The following SYS1 variants were observed in gnomAD, a reference collection of about 807,000 sequenced individuals.
SYS1 encodes SYS1 golgi trafficking protein.
SYS1 carries 8 observed loss-of-function variants against 17.8 expected under a neutral mutation model. That is an observed-to-expected ratio of 0.45 (90% CI 0.26 to 0.81). The LOEUF is 0.81. SYS1 is among the 40% of genes least tolerant of loss of function. The probability of loss-of-function intolerance (pLI) is 0.16; values close to 1 mark genes in which losing one functional copy is unlikely to be tolerated. For synonymous variants in SYS1, 95 were observed against 90.9 expected, an observed-to-expected ratio of 1.05 and a Z score of -0.26; for missense variants, 161 against 203.9, an observed-to-expected ratio of 0.79 and a Z score of 1.28.
downstream of SYS1, among the ~76,000 whole-genome samples, chr20:45,369,684 C>T (rs1446690665): frequency 6.7e-6 from 1 of 149,722 alleles, no homozygotes; most frequent in Non-Finnish European, 1.5e-5. Context: ...CTCATCATAG[C>T]CTCAACCTCC....
chr20:45,375,332 C>A (rs1393316961), exon 4 of SYS1: 2 of 1,614,136 alleles, frequency 1.2e-6, no homozygotes, highest in South Asian at 2.2e-5. Context: ...GTCCTTGGAA[C>A]CTCAGGCTCT....
In SYS1 at chr20:45,363,773, C is replaced by T. The variant is rs1988307618; in HGVS notation, c.162+80C>T. On this transcript the variant is annotated intron_variant, in intron 2 of 3. Coordinates refer to ENST00000243918, the MANE Select transcript of SYS1 (RefSeq NM_033542.4). Reference sequence around the variant, plus strand: ...TGGTCCATCACTACTGTGCTGTAGACGTGGCTGGGTCACCTTCTTTCTTTG... The same window carrying T: ...TGGTCCATCACTACTGTGCTGTAGATGTGGCTGGGTCACCTTCTTTCTTTG... 2.8e-6 allele frequency: 4 copies of T among 1,420,316 alleles called. No homozygotes were observed. The African/African-American group carries it at 4.3e-5, about 15-fold the overall frequency. 88.0% of individuals were successfully genotyped at this position (1,420,316 alleles called of 1,614,324 possible).
Position 45,363,562 on chromosome 20 carries a change from G to T in SYS1, c.31G>T (p.Asp11Tyr). 6.3e-7 allele frequency: 1 copy of T among 1,585,822 alleles called. No homozygotes were observed. Among genetic ancestry groups the T allele is most frequent in the Admixed American group, 1.8e-5 (1 of 56,430 alleles). Reference sequence around the variant, plus strand: ...GGGTCAGTTCCGCAGCTACGTGTGGGACCCGCTGCTGATCCTGTCGCAGAT... The same window carrying T: ...GGGTCAGTTCCGCAGCTACGTGTGGTACCCGCTGCTGATCCTGTCGCAGAT... Reference protein sequence around the residue: MAGQFRSYVWDPLLILSQIVL... With the variant: MAGQFRSYVWYPLLILSQIVL... Residue 11 changes from aspartate (D) to tyrosine (Y), a missense_variant, in exon 2 of 4, where the codon GAC becomes TAC. Transcript: ENST00000243918.
Position 45,363,516 on chromosome 20 carries a change from C to G in SYS1, c.-3-13C>G. On this transcript the variant is annotated splice_polypyrimidine_tract_variant and intron_variant, in intron 1 of 3. Transcript: ENST00000243918. ...ACAGGCCGCTGGCTGAGGCCCGGCT[C>G]GTGTCCCTGCAGGGCATGGCGGGTC... 1 of 1,584,416 alleles carries G rather than the reference C, an allele frequency of 6.3e-7. No individual in the cohort carries two copies. Among genetic ancestry groups the G allele is most frequent in the Non-Finnish European group, 8.6e-7 (1 of 1,167,354 alleles).
chr20:45,366,104 T>A (rs1988404433), intron 3 of SYS1, among the ~76,000 whole-genome samples: 1 of 152,212 alleles, frequency 6.6e-6, no homozygotes, highest in Admixed American at 6.5e-5. Flanking sequence ...TCATTGCCTG[T>A]CTCTTAAGAG....
upstream of SYS1, chr20:45,363,054 C>A: frequency 1.0e-6 from 1 of 964,152 alleles, no homozygotes; most frequent in Non-Finnish European, 1.2e-6. Flanking sequence ...AGTTCGCTAT[C>A]CGGCTGCTTG....
chr20:45,365,369 C>T (rs1568917080), intron 2 of SYS1: 2 of 584,616 alleles, frequency 3.4e-6, no homozygotes, highest in East Asian at 3.2e-5. Context: ...GGCAACTTAA[C>T]TTGTCTGAGT....
upstream of SYS1, chr20:45,361,992 T>C: frequency 3.0e-6 from 3 of 985,296 alleles, no homozygotes; most frequent in Non-Finnish European, 2.4e-6. Context: ...CTAGGATCAA[T>C]GAAGTTGATG....
In SYS1 at chr20:45,365,651, C is replaced by T. The variant is rs758788659; in HGVS notation, c.195C>T (p.Leu65=). The T allele has an allele frequency of 1.9e-6, 3 of 1,614,214 alleles. No homozygotes were observed. The East Asian group carries it at 6.7e-5, about 36-fold the overall frequency. The stretch of plus-strand genomic sequence containing the variant: ...GCTTTTCCACCCCTCCAGGCCGGCT[C>T]TCCATGATGTCCTTCATCCTCAACG... ...ILGFSTPPGR[L]SMMSFILNAL... Residue 65 remains leucine (L), a synonymous_variant, in exon 3 of 4, where the codon CTC becomes CTT. Coordinates refer to ENST00000243918, the MANE Select transcript of SYS1 (RefSeq NM_033542.4).
chr20:45,368,345 G>A lies in SYS1; in HGVS notation c.*1230G>A, dbSNP rs945407566. On this transcript the variant is annotated 3_prime_UTR_variant, in exon 4 of 4. Coordinates refer to ENST00000243918, the MANE Select transcript of SYS1 (RefSeq NM_033542.4). ...TGAACCACATAATTCTTGGGTTTCC[G>A]TTCCTACTTGCTAGTGATTTCTGAA... 6 of 985,240 alleles carry A rather than the reference G, an allele frequency of 6.1e-6. No homozygotes were observed. The highest frequency in any genetic ancestry group is 5.2e-5 in the African/African-American group (3 of 57,200). The allele number at this position is 985,240 out of a possible 1,614,324, so 61.0% of individuals were successfully genotyped here. A position where few individuals can be genotyped will look rare whatever the true frequency, so the allele number is the denominator to read the frequency against.
intron 3 of SYS1, chr20:45,374,268 C>A (rs1167840854): frequency 2.9e-6 from 2 of 697,562 alleles, no homozygotes; most frequent in Non-Finnish European, 5.2e-6. Flanking sequence ...CAGAGTAAAT[C>A]TTTTTTTCCT....
At position 45,367,072 on chromosome 20, in the gene SYS1, T is replaced by G. The variant is rs762299946; in HGVS notation, c.428T>G (p.Leu143Arg). ...GAGTACCTGTGCATGCGGACGGAGC[T>G]CAAGGAGATACCCCTCAACTCAGCC... Reference protein sequence around the residue: ...IGEYLCMRTELKEIPLNSAPK... With the variant: ...IGEYLCMRTERKEIPLNSAPK... The change falls in exon 4 of 4, where the codon CTC (leucine) becomes CGC (arginine). Residue 143 changes from leucine to arginine, a missense_variant. Leu to Arg is a moderately radical substitution (Grantham distance 102). Transcript: ENST00000243918. The G allele has an allele frequency of 6.2e-7, 1 of 1,614,084 alleles. No homozygotes were observed. The highest frequency in any genetic ancestry group is 8.5e-7 in the Non-Finnish European group (1 of 1,180,020).
exon 4 of SYS1, chr20:45,374,721 C>T (rs1206598361): frequency 4.4e-6 from 2 of 453,428 alleles, no homozygotes; most frequent in Non-Finnish European, 7.8e-6. Context: ...TTATGTAGGC[C>T]TCTGACTGTG....
At chr20:45,373,122 G>C (rs187631897), downstream of SYS1, 1 of 152,342 alleles carries the variant, frequency 6.6e-6, no homozygotes, top group African/African-American at 2.4e-5. Context: ...GAAAACTCGG[G>C]CTCCCTTGGC....
At chr20:45,362,061 T>C (rs2145343966), upstream of SYS1, 1 of 979,526 alleles carries the variant, frequency 1.0e-6, no homozygotes, top group Middle Eastern at 5.2e-4. Flanking sequence ...GCTTTTTCTG[T>C]TCTTAACTCA....
In SYS1 at chr20:45,365,619, A is replaced by T. The variant is rs774309814; in HGVS notation, c.163A>T (p.Ile55Phe). 7 of 1,614,038 alleles carry T rather than the reference A, an allele frequency of 4.3e-6. No individual in the cohort carries two copies. The Admixed American group carries it at 1.2e-4, about 27-fold the overall frequency. Residue 55 changes from isoleucine to phenylalanine, a missense_variant and splice_region_variant, in exon 3 of 4, where the codon ATC becomes TTC. By Grantham distance (21) the Ile-to-Phe change is conservative (BLOSUM62 0). Coordinates refer to ENST00000243918, the MANE Select transcript of SYS1 (RefSeq NM_033542.4). ...PSLDQMFDAE[I>F]LGFSTPPGRL... ...ATTTCCATTTGTGATTCCCCCTCAG[A>T]TCCTGGGCTTTTCCACCCCTCCAGG...
chr20:45,374,286 T>A, intron 3 of SYS1: 1 of 698,444 alleles, frequency 1.4e-6, no homozygotes, highest in Non-Finnish European at 2.6e-6. Flanking sequence ...CCTTTCTTTT[T>A]TTTTAAGACA....
Position 45,367,996 on chromosome 20 carries a change from T to A in SYS1, c.*881T>A, listed in dbSNP as rs1422706913. Reference sequence around the variant, plus strand: ...AAGCCCAACCTTCTGGCCTGGGCTGTGCTGATAGTGCTGAGGGAGATAGGA... The same window carrying A: ...AAGCCCAACCTTCTGGCCTGGGCTGAGCTGATAGTGCTGAGGGAGATAGGA... On this transcript the variant is annotated 3_prime_UTR_variant, in exon 4 of 4. Coordinates refer to ENST00000243918, the MANE Select transcript of SYS1 (RefSeq NM_033542.4). The A allele has an allele frequency of 3.0e-6, 3 of 985,376 alleles. No individual in the cohort carries two copies. In the African/African-American group the frequency reaches 5.2e-5, roughly 17 times the overall value. 61.0% of individuals were successfully genotyped at this position (985,376 alleles called of 1,614,324 possible).
downstream of SYS1, among the ~76,000 whole-genome samples, chr20:45,372,287 G>T (rs550684259): frequency 1.3e-5 from 2 of 152,224 alleles, no homozygotes; most frequent in Non-Finnish European, 2.9e-5. Flanking sequence ...GGCCATGCTG[G>T]GTCCCCGCCT....
Sources: allele counts gnomAD v4.1 joint callset (sites outside exome capture counted in the v4.1 genomes callset), GRCh38; gene constraint gnomAD v4.1.1; transcripts MANE v1.5; gene names NCBI Gene and HGNC (gene_info 2026-07-23, HGNC 2026-07-21).